The following DLG2 variants were observed in gnomAD, a reference collection of about 807,000 sequenced individuals.
The protein encoded by DLG2 is disks large homolog 2.
A neutral mutation model predicts 132.5 loss-of-function variants in DLG2; 45 were observed. The ratio of observed to expected loss-of-function variants is 0.34; its 90% CI spans 0.27 to 0.44. DLG2 has a LOEUF of 0.44. Ranked by LOEUF, DLG2 falls within the 20% of genes least tolerant of loss-of-function variation. The probability of loss-of-function intolerance (pLI) is 1.00; values close to 1 mark genes in which losing one functional copy is unlikely to be tolerated. For synonymous variants in DLG2, 424 were observed against 419.6 expected, an observed-to-expected ratio of 1.01 and a Z score of -0.13; for missense variants, 1,045 against 1,196.9, an observed-to-expected ratio of 0.87 and a Z score of 1.87.
intron 3 of DLG2, among the ~76,000 whole-genome samples, chr11:85,513,742 C>T (rs1007291060): frequency 3.3e-5 from 5 of 151,746 alleles, no homozygotes; most frequent in African/African-American, 4.8e-5. Context: ...GCTGTCATGC[C>T]ATTAGAAGTA....
chr11:84,711,398 T>C (rs2060431172), intron 6 of DLG2, among the ~76,000 whole-genome samples: 1 of 108,664 alleles, frequency 9.2e-6, no homozygotes, highest in Non-Finnish European at 1.8e-5. Flanking sequence ...GATCTAGCTA[T>C]CCTCCCCCAC....
chr11:84,157,936 T>C (rs2095464812), intron 9 of DLG2, among the ~76,000 whole-genome samples: 1 of 152,210 alleles, frequency 6.6e-6, no homozygotes, highest in South Asian at 2.1e-4. Flanking sequence ...TTTCTTTTCT[T>C]TTAATGTCAC....
At chr11:84,842,551 G>A (rs912487954) in intron 6 of DLG2, among the ~76,000 whole-genome samples, 1 of 151,874 alleles carries the variant, frequency 6.6e-6, no homozygotes, top group Non-Finnish European at 1.5e-5. Flanking sequence ...GCTCTCAAAC[G>A]CACTTTACTT....
chr11:83,673,789 G>A lies in DLG2; in HGVS notation c.1826-40464C>T, dbSNP rs1352564111. The stretch of plus-strand genomic sequence containing the variant: ...TAGTGCTACTGTGAGAAGTAAATGA[G>A]ATAACATGTATTCAGTGCTTTGCAC... On this transcript the variant is annotated intron_variant, in intron 18 of 27. Transcript: ENST00000376104. 2.0e-5 allele frequency among the ~76,000 whole-genome samples: 3 copies of A among 152,330 alleles called. No individual in the cohort carries two copies. In the East Asian group the frequency reaches 5.8e-4, roughly 29 times the overall value.
chr11:85,209,443 G>GTTTT (rs1171176251), intron 4 of DLG2, among the ~76,000 whole-genome samples: 1 of 25,990 alleles, frequency 3.8e-5, no homozygotes. Context: ...AAAGAAATCA[G>GTTTT]TCTTTTTTTT....
At chr11:85,511,506 C>G (rs1006257243) in intron 3 of DLG2, among the ~76,000 whole-genome samples, 2 of 151,814 alleles carry the variant, frequency 1.3e-5, no homozygotes, top group Non-Finnish European at 2.9e-5. Context: ...ACAACTGAAC[C>G]CATCTAACAA....
chr11:85,139,325 A>G (rs578141426), intron 5 of DLG2, among the ~76,000 whole-genome samples: 150 of 152,242 alleles, frequency 9.9e-4, no homozygotes, highest in African/African-American at 3.4e-3. Flanking sequence ...AATGAGATGC[A>G]TCACATGGAA....
chr11:85,112,913 C>T (rs1403514849), intron 5 of DLG2, among the ~76,000 whole-genome samples: 2 of 152,160 alleles, frequency 1.3e-5, no homozygotes, highest in Middle Eastern at 3.4e-3. Flanking sequence ...ATGATCCTAA[C>T]ATTTCTGATT....
At chr11:85,518,408 T>C (rs750474384) in intron 3 of DLG2, among the ~76,000 whole-genome samples, 3 of 152,132 alleles carry the variant, frequency 2.0e-5, no homozygotes, top group Non-Finnish European at 4.4e-5. Flanking sequence ...AGCAAAGAGA[T>C]TGGAAGCATT....
intron 15 of DLG2, among the ~76,000 whole-genome samples, chr11:83,884,004 A>C (rs1226968141): frequency 7.3e-6 from 1 of 136,896 alleles, no homozygotes; most frequent in Admixed American, 7.1e-5. Flanking sequence ...TACAGCTCCC[A>C]GCGTGAGTGA....
intron 3 of DLG2, among the ~76,000 whole-genome samples, chr11:85,365,206 A>C (rs1409595651): frequency 6.6e-6 from 1 of 152,204 alleles, no homozygotes; most frequent in Admixed American, 6.6e-5. Context: ...TCTTTTTGTA[A>C]TACTATCCTA....
chr11:84,550,595 G>T (rs1031601292), intron 6 of DLG2, among the ~76,000 whole-genome samples: 12 of 152,262 alleles, frequency 7.9e-5, no homozygotes, highest in Middle Eastern at 3.4e-3. Flanking sequence ...CCAAGGATGA[G>T]ATCAGTTACC....
chr11:83,991,733 C>G (rs2093725250), intron 11 of DLG2, among the ~76,000 whole-genome samples: 2 of 152,076 alleles, frequency 1.3e-5, no homozygotes. Context: ...CATCCTTAAT[C>G]CCATCCATCT....
chr11:84,411,841 T>C (rs762991688), intron 7 of DLG2, among the ~76,000 whole-genome samples: 7 of 152,216 alleles, frequency 4.6e-5, no homozygotes, highest in Non-Finnish European at 8.8e-5. Context: ...AAAATAAAAA[T>C]GAACAAACCA....
chr11:84,711,383 C>CGAGAGAGAGAGA (rs1565737230), intron 6 of DLG2, among the ~76,000 whole-genome samples: 5 of 26,232 alleles, frequency 1.9e-4, no homozygotes, highest in Non-Finnish European at 2.9e-4. Flanking sequence ...AGAGAGAGAT[C>CGAGAGAGAGAGA]GATCGATCTA....
chr11:84,723,831 C>T (rs2062098846), intron 6 of DLG2, among the ~76,000 whole-genome samples: 1 of 152,082 alleles, frequency 6.6e-6, no homozygotes, highest in Non-Finnish European at 1.5e-5. Context: ...ATAATTATCA[C>T]TTTTATAAAA....
chr11:83,698,881 G>T (rs1287528334), intron 18 of DLG2, among the ~76,000 whole-genome samples: 1 of 152,160 alleles, frequency 6.6e-6, no homozygotes, highest in Non-Finnish European at 1.5e-5. Flanking sequence ...GTGGGATCAG[G>T]TGATTAGAGA....
chr11:83,471,530 G>A, intron 24 of DLG2, 96 bp downstream of exon 24: 1 of 857,272 alleles, frequency 1.2e-6, no homozygotes, highest in Middle Eastern at 2.3e-4. Context: ...TTGAATTACT[G>A]GAGAGACTAC....
chr11:84,803,697 A>G (rs763399021), intron 6 of DLG2, among the ~76,000 whole-genome samples: 5 of 152,262 alleles, frequency 3.3e-5, no homozygotes, highest in African/African-American at 9.6e-5. Flanking sequence ...ACGAGTAATC[A>G]TCAAAAGCAT....
Sources: allele counts gnomAD v4.1 joint callset (sites outside exome capture counted in the v4.1 genomes callset), GRCh38; gene constraint gnomAD v4.1.1; transcripts MANE v1.5; gene names NCBI Gene and HGNC (gene_info 2026-07-23, HGNC 2026-07-21).